Variants in EXOC6B observed in about 807,000 individuals in gnomAD.
The protein encoded by EXOC6B is exocyst complex component 6B, also known as SEC15 homolog B.
In EXOC6B, 54 loss-of-function variants were observed where a neutral mutation model predicts 113.5. The ratio of observed to expected loss-of-function variants is 0.48; its 90% CI spans 0.38 to 0.60. EXOC6B has a LOEUF of 0.60. Among genes scored for constraint, EXOC6B ranks in the 20% least tolerant of loss-of-function variants. The pLI is 0.00. For missense variants in EXOC6B, 797 were observed against 977.5 expected, an observed-to-expected ratio of 0.82 and a Z score of 2.46; for synonymous variants, 357 against 339.0, an observed-to-expected ratio of 1.05 and a Z score of -0.58.
chr2:72,728,843 C>T (rs977197919), intron 5 of EXOC6B, among the ~76,000 whole-genome samples: 5 of 152,136 alleles, frequency 3.3e-5, no homozygotes, highest in African/African-American at 9.7e-5. Context: ...GTGAACAGCA[C>T]TTATGATAAT....
At chr2:72,677,462 C>T (rs747525803) in intron 6 of EXOC6B, among the ~76,000 whole-genome samples, 1 of 152,084 alleles carries the variant, frequency 6.6e-6, no homozygotes, top group Non-Finnish European at 1.5e-5. Context: ...AAGACTGATC[C>T]TTTCCTCCCC....
At chr2:72,447,198 A>G (rs574048871) in intron 18 of EXOC6B, among the ~76,000 whole-genome samples, 151 of 152,232 alleles carry the variant, frequency 9.9e-4, no homozygotes, top group African/African-American at 3.6e-3. Flanking sequence ...TTATCTTTGG[A>G]AAAATGTTCC....
At chr2:72,265,035 G>T (rs2104598438) in intron 20 of EXOC6B, among the ~76,000 whole-genome samples, 1 of 151,996 alleles carries the variant, frequency 6.6e-6, no homozygotes, top group Non-Finnish European at 1.5e-5. Flanking sequence ...TTGGAACTAG[G>T]TAACAAGCAG....
At chr2:72,192,441 A>T (rs758542000) in intron 20 of EXOC6B, among the ~76,000 whole-genome samples, 5 of 152,184 alleles carry the variant, frequency 3.3e-5, no homozygotes, top group Non-Finnish European at 4.4e-5. Context: ...TACCTATGAC[A>T]GGTGAGTGGG....
rs193066132 is a variant in EXOC6B, at chr2:72,801,443, T to A, written c.113+24355A>T. On this transcript the variant is annotated intron_variant, in intron 1 of 21. Transcript: ENST00000272427. ...AATGGTTTGACTTTATTTTAAAGAT[T>A]TTCTTTTCACCTAAAGTTTCAGTAT... Among the ~76,000 whole-genome samples, 50 of 152,322 alleles carry A rather than the reference T, an allele frequency of 3.3e-4. 1 individual carries two copies. The East Asian group carries it at 6.9e-3, about 21-fold the overall frequency.
intron 3 of EXOC6B, among the ~76,000 whole-genome samples, chr2:72,731,969 C>A (rs1680667336): frequency 6.6e-6 from 1 of 152,166 alleles, no homozygotes. Context: ...CCCAGCCTTG[C>A]CAATAACTAT....
rs1273036697 is a variant in EXOC6B at position 72,643,289 on chromosome 2, T to C, written c.670-67621A>G. Reference sequence around the variant, plus strand: ...TATATACCCAAAGGACTATAAATCATGCTGCTATAAAGACACATGCACACG... The same window carrying C: ...TATATACCCAAAGGACTATAAATCACGCTGCTATAAAGACACATGCACACG... On this transcript the variant is annotated intron_variant, in intron 6 of 21. Transcript: ENST00000272427. Among the ~76,000 whole-genome samples the C allele has an allele frequency of 1.1e-4, 16 of 150,196 alleles. 1 individual carries two copies. The highest frequency in any genetic ancestry group is 3.2e-4 in the African/African-American group (13 of 40,918).
intron 17 of EXOC6B, among the ~76,000 whole-genome samples, chr2:72,469,662 T>G (rs1179767549): frequency 6.6e-6 from 1 of 152,086 alleles, no homozygotes; most frequent in East Asian, 1.9e-4. Flanking sequence ...TAATTCCTAT[T>G]TAAAGGATGT....
chr2:72,451,526 A>G (rs1186900760), intron 18 of EXOC6B, among the ~76,000 whole-genome samples: 1 of 152,222 alleles, frequency 6.6e-6, no homozygotes. Flanking sequence ...TATAAAGGCA[A>G]TAAGATAATC....
chr2:72,263,745 A>G (rs1343551955), intron 20 of EXOC6B, among the ~76,000 whole-genome samples: 1 of 152,208 alleles, frequency 6.6e-6, no homozygotes, highest in Non-Finnish European at 1.5e-5. Flanking sequence ...AATGAGCTAG[A>G]AGATGATAAA....
rs1679487255 is a variant in EXOC6B, at chr2:72,201,436, A to T, written c.2197-17249T>A. On this transcript the variant is annotated intron_variant, in intron 20 of 21. Transcript: ENST00000272427. The stretch of plus-strand genomic sequence containing the variant: ...TCACTATATATGTGAAATGATGTAA[A>T]AAAAAATAGCAGGCCATTTAGTGAA... Among the ~76,000 whole-genome samples the T allele has an allele frequency of 2.0e-5, 3 of 151,990 alleles. 1 individual carries two copies. In the South Asian group the frequency reaches 6.2e-4, roughly 32 times the overall value.
chr2:72,514,383 C>A (rs1358515521), intron 10 of EXOC6B, among the ~76,000 whole-genome samples: 1 of 151,838 alleles, frequency 6.6e-6, no homozygotes, highest in Non-Finnish European at 1.5e-5. Context: ...ATGTTTTTCT[C>A]ACTTTATCCA....
At chr2:72,476,164 A>T (rs1698725925) in intron 17 of EXOC6B, among the ~76,000 whole-genome samples, 1 of 152,182 alleles carries the variant, frequency 6.6e-6, no homozygotes, top group Admixed American at 6.5e-5. Flanking sequence ...GTGAGGGTCA[A>T]GAGACTCTCC....
At chr2:72,479,545 T>G (rs1316216129) in intron 17 of EXOC6B, among the ~76,000 whole-genome samples, 1 of 152,170 alleles carries the variant, frequency 6.6e-6, no homozygotes, top group Admixed American at 6.6e-5. Context: ...AAGGGTGACA[T>G]GGAATATGTT....
intron 20 of EXOC6B, among the ~76,000 whole-genome samples, chr2:72,238,238 A>G (rs1340063794): frequency 6.6e-6 from 1 of 152,194 alleles, no homozygotes; most frequent in Non-Finnish European, 1.5e-5. Flanking sequence ...GGCACACATC[A>G]TTACTTCATT....
At chr2:72,220,729 T>C (rs770261229) in intron 20 of EXOC6B, among the ~76,000 whole-genome samples, 2 of 152,192 alleles carry the variant, frequency 1.3e-5, no homozygotes, top group Non-Finnish European at 2.9e-5. Flanking sequence ...TAAAGAACGA[T>C]GAAGACAAAC....
chr2:72,330,436 TAAAAGAG>T (rs1254497942), intron 20 of EXOC6B, among the ~76,000 whole-genome samples: 1 of 152,038 alleles, frequency 6.6e-6, no homozygotes, highest in Admixed American at 6.6e-5. Flanking sequence ...GCCTAATACT[TAAAAGAG>T]AAAAGACAGT....
At chr2:72,621,441 G>A (rs1239627944) in intron 6 of EXOC6B, among the ~76,000 whole-genome samples, 1 of 152,002 alleles carries the variant, frequency 6.6e-6, no homozygotes, top group African/African-American at 2.4e-5. Context: ...ACTCATAAGT[G>A]GTAGCCAAAC....
At chr2:72,625,998 C>T (rs1393444879) in intron 6 of EXOC6B, among the ~76,000 whole-genome samples, 1 of 152,074 alleles carries the variant, frequency 6.6e-6, no homozygotes, top group African/African-American at 2.4e-5. Flanking sequence ...TGAATTTACC[C>T]TCATTCAGAA....
Sources: allele counts gnomAD v4.1 joint callset (sites outside exome capture counted in the v4.1 genomes callset), GRCh38; gene constraint gnomAD v4.1.1; transcripts MANE v1.5; gene names NCBI Gene and HGNC (gene_info 2026-07-23, HGNC 2026-07-21).